Variants in CREB5 observed in about 807,000 individuals in gnomAD.
The protein encoded by CREB5 is cAMP responsive element binding protein 5, also known as cyclic AMP-responsive element-binding protein 5.
A neutral mutation model predicts 57.1 loss-of-function variants in CREB5; 19 were observed. That is an observed-to-expected ratio of 0.33 (90% CI 0.23 to 0.49). The LOEUF is 0.49. Among genes scored for constraint, CREB5 ranks in the 20% least tolerant of loss-of-function variants. The probability of loss-of-function intolerance (pLI) is 0.99; values close to 1 mark genes in which losing one functional copy is unlikely to be tolerated. For missense variants in CREB5, 579 were observed against 671.6 expected (o/e 0.86, Z 1.52); for synonymous variants, 238 against 238.3 (o/e 1.00, Z 0.01).
rs569660988 is a variant in CREB5 at position 28,399,866 on chromosome 7, C to G, written c.-24-95040C>G. On this transcript the variant is annotated intron_variant, in intron 1 of 9. Transcript: ENST00000396299. ...GGTCAGGAGTTCGAGACCAGCCTGACCAACATGGTGAAACCCTGTCTCCAC... is the reference window on the plus strand; with the variant it reads ...GGTCAGGAGTTCGAGACCAGCCTGAGCAACATGGTGAAACCCTGTCTCCAC... 4.6e-5 allele frequency among the ~76,000 whole-genome samples: 7 copies of G among 151,524 alleles called. 1 individual carries two copies. The South Asian group carries it at 1.5e-3, about 32-fold the overall frequency.
chr7:28,427,728 G>T (rs900409919), intron 1 of CREB5, among the ~76,000 whole-genome samples: 1 of 151,830 alleles, frequency 6.6e-6, no homozygotes, highest in Non-Finnish European at 1.5e-5. Context: ...GCCAGACTTC[G>T]CTCTCCTCTT....
intron 1 of CREB5, among the ~76,000 whole-genome samples, chr7:28,481,865 T>C (rs1791348125): frequency 6.6e-6 from 1 of 151,988 alleles, no homozygotes. Context: ...AGAGGGAAGA[T>C]GCCCACAGAA....
chr7:28,776,165 G>A (rs575163523), intron 7 of CREB5, among the ~76,000 whole-genome samples: 79 of 151,966 alleles, frequency 5.2e-4, no homozygotes, highest in Non-Finnish European at 9.4e-4. Flanking sequence ...GTGAAACCCC[G>A]TCTCTACTAA....
Position 28,329,090 on chromosome 7 carries a change from C to T in CREB5, c.-25+29649C>T, listed in dbSNP as rs530178413. Among the ~76,000 whole-genome samples the T allele has an allele frequency of 5.9e-5, 9 of 152,324 alleles. No individual in the cohort carries two copies. The South Asian group carries it at 1.9e-3, about 32-fold the overall frequency. On this transcript the variant is annotated intron_variant, in intron 1 of 9. Transcript: ENST00000396299. ...TGAAACTCTCTGTTCAGAGGAATATCTCACTGGTTCATTCTGTAAAGCTGA... is the reference window on the plus strand; with the variant it reads ...TGAAACTCTCTGTTCAGAGGAATATTTCACTGGTTCATTCTGTAAAGCTGA...
At chr7:28,685,158 T>C (rs914600734) in intron 5 of CREB5, among the ~76,000 whole-genome samples, 2 of 152,174 alleles carry the variant, frequency 1.3e-5, no homozygotes, top group East Asian at 3.8e-4. Context: ...CGAGTTGAGT[T>C]GTGGGGGCAC....
At chr7:28,597,769 G>C (rs1162216612) in intron 5 of CREB5, among the ~76,000 whole-genome samples, 1 of 152,134 alleles carries the variant, frequency 6.6e-6, no homozygotes. Flanking sequence ...TTCACTTGGA[G>C]AGGATTCCCT....
chr7:28,463,705 A>G (rs1790443374), intron 1 of CREB5, among the ~76,000 whole-genome samples: 1 of 152,032 alleles, frequency 6.6e-6, no homozygotes, highest in African/African-American at 2.4e-5. Context: ...TCTTAATTTC[A>G]TTTTCTGATT....
intron 1 of CREB5, among the ~76,000 whole-genome samples, chr7:28,369,853 A>G (rs538004038): frequency 8.5e-5 from 13 of 152,184 alleles, no homozygotes; most frequent in African/African-American, 3.1e-4. Flanking sequence ...GCTTCACTTC[A>G]TATTACTTTC....
intron 5 of CREB5, among the ~76,000 whole-genome samples, chr7:28,631,211 C>T (rs949606399): frequency 3.9e-5 from 6 of 152,198 alleles, no homozygotes; most frequent in Non-Finnish European, 5.9e-5. Flanking sequence ...CTGCTTTAAT[C>T]TGCCTCCCAC....
At chr7:28,397,936 A>G (rs1787372483) in intron 1 of CREB5, among the ~76,000 whole-genome samples, 1 of 152,134 alleles carries the variant, frequency 6.6e-6, no homozygotes, top group African/African-American at 2.4e-5. Context: ...ATTTTTTATT[A>G]TGTAAAATAT....
In CREB5 at chr7:28,624,998, ATTTTTTTT is replaced by A. The variant is rs10603623; in HGVS notation, c.464+54472_464+54479del. Among the ~76,000 whole-genome samples the A allele has an allele frequency of 5.9e-3, 815 of 138,392 alleles. 6 individuals are homozygous for A. Among genetic ancestry groups the A allele is most frequent in the African/African-American group, 0.02 (740 of 37,934 alleles). The allele number at this position is 138,392 out of a possible 152,430, so 90.8% of individuals were successfully genotyped here. ...GGTACAGTAGTATCCACCATGTTGG[ATTTTTTTT>A]TTTTTTTTTTGGTGAGGATTTAAAA... On this transcript the variant is annotated intron_variant, in intron 5 of 10. Coordinates refer to ENST00000357727, the MANE Select transcript of CREB5 (RefSeq NM_182898.4).
At chr7:28,470,435 A>C (rs1046608278) in intron 1 of CREB5, among the ~76,000 whole-genome samples, 1 of 152,152 alleles carries the variant, frequency 6.6e-6, no homozygotes, top group Admixed American at 6.5e-5. Context: ...ATAGTACTCC[A>C]TTGTGTATAA....
At chr7:28,449,047 G>A (rs1201132616) in intron 1 of CREB5, among the ~76,000 whole-genome samples, 3 of 151,982 alleles carry the variant, frequency 2.0e-5, no homozygotes, top group Admixed American at 6.6e-5. Flanking sequence ...TTTTAAAATG[G>A]CATTTGCCTC....
intron 1 of CREB5, among the ~76,000 whole-genome samples, chr7:28,441,491 C>A (rs1353708758): frequency 6.6e-6 from 1 of 152,092 alleles, no homozygotes; most frequent in Non-Finnish European, 1.5e-5. Flanking sequence ...TTTATTTTGC[C>A]TACCTCCCAG....
chr7:28,501,025 C>A (rs997354359), intron 3 of CREB5, among the ~76,000 whole-genome samples: 1 of 152,076 alleles, frequency 6.6e-6, no homozygotes, highest in Non-Finnish European at 1.5e-5. Flanking sequence ...CCAGTCATTG[C>A]GCCCTGTGCT....
At chr7:28,760,731 AAAG>A (rs1805596425) in intron 7 of CREB5, among the ~76,000 whole-genome samples, 1 of 152,224 alleles carries the variant, frequency 6.6e-6, no homozygotes, top group African/African-American at 2.4e-5. Flanking sequence ...ATTGAATAAA[AAAG>A]AAGAAGAAAA....
chr7:28,540,109 C>A (rs1191083306), intron 4 of CREB5, among the ~76,000 whole-genome samples: 2 of 152,136 alleles, frequency 1.3e-5, no homozygotes, highest in Non-Finnish European at 2.9e-5. Context: ...TTTCCAAAAC[C>A]ATACCAGTTT....
At position 28,393,241 on chromosome 7, in the gene CREB5, T is replaced by C. The variant is rs368399026; in HGVS notation, c.-25+93800T>C. ...CCATATCCAGCCATAGCAATGTTTT[T>C]AAGTCAAGAAATTTCAAATATTTTT... On this transcript the variant is annotated intron_variant, in intron 1 of 9. Coordinates refer to the CREB5 transcript ENST00000396299. 3.9e-5 allele frequency among the ~76,000 whole-genome samples: 6 copies of C among 152,268 alleles called. No individual in the cohort carries two copies. In the South Asian group the frequency reaches 1.0e-3, roughly 26 times the overall value.
chr7:28,712,167 C>T (rs1490237250), intron 5 of CREB5, among the ~76,000 whole-genome samples: 36 of 152,024 alleles, frequency 2.4e-4, no homozygotes. Flanking sequence ...TATTACCTGC[C>T]AAGGAAGCTA....
Sources: allele counts gnomAD v4.1 joint callset (sites outside exome capture counted in the v4.1 genomes callset), GRCh38; gene constraint gnomAD v4.1.1; transcripts MANE v1.5; gene names NCBI Gene and HGNC (gene_info 2026-07-23, HGNC 2026-07-21).